TMEM132C: variants seen among roughly 807,000 people sequenced by gnomAD.
The protein encoded by TMEM132C is protein phosphatase 1, regulatory subunit 152.
Under a neutral mutation model 61.4 loss-of-function variants are expected in TMEM132C, and 29 were observed. That is an observed-to-expected ratio of 0.47 (90% CI 0.35 to 0.64). The LOEUF (loss-of-function observed/expected upper bound fraction) is 0.64. TMEM132C is among the 30% of genes least tolerant of loss of function. The pLI is 0.00. For missense variants in TMEM132C, 1,408 were observed against 1,476.9 expected, an observed-to-expected ratio of 0.95 and a Z score of 0.76; for synonymous variants, 656 against 633.1, an observed-to-expected ratio of 1.04 and a Z score of -0.54.
chr12:128,358,493 T>TTTGTGTG (rs1555220207), intron 1 of TMEM132C, among the ~76,000 whole-genome samples: 32 of 144,900 alleles, frequency 2.2e-4, no homozygotes, highest in Non-Finnish European at 3.9e-4. Context: ...ACTTTTAAAA[T>TTTGTGTG]TGTGTGTGTG....
At chr12:128,665,936 T>C (rs1203008399) in intron 4 of TMEM132C, among the ~76,000 whole-genome samples, 4 of 87,674 alleles carry the variant, frequency 4.6e-5, no homozygotes, top group South Asian at 4.0e-4. Context: ...CAGGGACTCA[T>C]ACACAAACAC....
intron 1 of TMEM132C, among the ~76,000 whole-genome samples, chr12:128,410,639 C>T (rs968098599): frequency 4.6e-5 from 7 of 152,058 alleles, no homozygotes; most frequent in African/African-American, 9.7e-5. Context: ...CTCTTGACCT[C>T]GTGATCCACC....
At chr12:128,479,552 A>G (rs1871258374) in intron 2 of TMEM132C, among the ~76,000 whole-genome samples, 1 of 152,224 alleles carries the variant, frequency 6.6e-6, no homozygotes, top group South Asian at 2.1e-4. Context: ...ATAAAGTTTT[A>G]TCAGAGCCCA....
At chr12:128,366,460 G>A (rs921647479) in intron 1 of TMEM132C, among the ~76,000 whole-genome samples, 1 of 152,168 alleles carries the variant, frequency 6.6e-6, no homozygotes, top group African/African-American at 2.4e-5. Context: ...CTCCTCAGCT[G>A]GACGCGGCTT....
chr12:128,421,796 T>C (rs1374484335), intron 2 of TMEM132C, among the ~76,000 whole-genome samples: 1 of 152,132 alleles, frequency 6.6e-6, no homozygotes, highest in Non-Finnish European at 1.5e-5. Context: ...AATAAAATAA[T>C]TACCAACAGA....
At chr12:128,515,725 C>T (rs1437205982) in intron 2 of TMEM132C, among the ~76,000 whole-genome samples, 1 of 151,992 alleles carries the variant, frequency 6.6e-6, no homozygotes, top group East Asian at 1.9e-4. Context: ...GTCCCAGCTA[C>T]TTGGGAGGCT....
chr12:128,564,378 A>G (rs543848085), intron 3 of TMEM132C, among the ~76,000 whole-genome samples: 47 of 152,218 alleles, frequency 3.1e-4, no homozygotes, highest in Admixed American at 1.3e-4. Context: ...GGCTTCAGCC[A>G]TCACAGCATC....
chr12:128,335,041 A>T (rs1872759839), intron 1 of TMEM132C, among the ~76,000 whole-genome samples: 1 of 152,216 alleles, frequency 6.6e-6, no homozygotes, highest in African/African-American at 2.4e-5. Context: ...TGAGAGTCTT[A>T]CATGTATCAT....
chr12:128,640,871 G>A (rs529037356), intron 4 of TMEM132C, among the ~76,000 whole-genome samples: 1 of 152,286 alleles, frequency 6.6e-6, no homozygotes, highest in African/African-American at 2.4e-5. Flanking sequence ...GGGTGACAGA[G>A]CAAGAAGACC....
chr12:128,650,188 C>CTTGTT (rs1954253839), intron 4 of TMEM132C, among the ~76,000 whole-genome samples: 1 of 152,156 alleles, frequency 6.6e-6, no homozygotes, highest in South Asian at 2.1e-4. Flanking sequence ...AGGAATGAGG[C>CTTGTT]TTGTTTTTAA....
At chr12:128,663,715 ATGTG>A (rs1185397403) in intron 4 of TMEM132C, among the ~76,000 whole-genome samples, 1 of 141,490 alleles carries the variant, frequency 7.1e-6, no homozygotes, top group Non-Finnish European at 1.5e-5. Flanking sequence ...GCGTGTGTGT[ATGTG>A]TGTGTGCTTG....
intron 5 of TMEM132C, among the ~76,000 whole-genome samples, chr12:128,681,677 AGAG>A: frequency 3.1e-5 from 1 of 32,434 alleles, no homozygotes; most frequent in African/African-American, 1.1e-4. Context: ...TTTTTGAGAC[AGAG>A]TCTCACCCTA....
intron 4 of TMEM132C, among the ~76,000 whole-genome samples, chr12:128,655,004 C>T (rs1456616753): frequency 1.3e-5 from 2 of 152,198 alleles, no homozygotes; most frequent in Non-Finnish European, 2.9e-5. Flanking sequence ...AAGGCAGTCG[C>T]AGAGGAAATG....
At chr12:128,596,604 G>A (rs1035475341) in intron 3 of TMEM132C, among the ~76,000 whole-genome samples, 1 of 150,140 alleles carries the variant, frequency 6.7e-6, no homozygotes, top group Admixed American at 6.6e-5. Context: ...AGGCACCAGG[G>A]CTTCACTGAT....
chr12:128,518,627 A>G lies in TMEM132C; in HGVS notation c.975-25330A>G, dbSNP rs187289741. On this transcript the variant is annotated intron_variant, in intron 2 of 8. Transcript: ENST00000435159. Reference sequence around the variant, plus strand: ...AAGATACCTTTTGTAAATTTTTAAAAGCATTCCATATAAAAGTAATACTTC... The same window carrying G: ...AAGATACCTTTTGTAAATTTTTAAAGGCATTCCATATAAAAGTAATACTTC... Among the ~76,000 whole-genome samples, 7 of 152,370 alleles carry G rather than the reference A, an allele frequency of 4.6e-5. No homozygotes were observed. The East Asian group carries it at 1.3e-3, about 29-fold the overall frequency.
At chr12:128,503,103 C>T (rs2136110638) in intron 2 of TMEM132C, among the ~76,000 whole-genome samples, 1 of 152,330 alleles carries the variant, frequency 6.6e-6, no homozygotes, top group South Asian at 2.1e-4. Context: ...GTCCCATTAA[C>T]TCTCAAGGCC....
intron 1 of TMEM132C, chr12:128,288,803 A>C (rs1172034861): frequency 6.6e-6 from 1 of 152,182 alleles, no homozygotes; most frequent in African/African-American, 2.4e-5. Context: ...CTTTTCTTTT[A>C]CAACCTTCCC....
chr12:128,325,570 A>G (rs1256389307), intron 1 of TMEM132C, among the ~76,000 whole-genome samples: 1 of 152,160 alleles, frequency 6.6e-6, no homozygotes, highest in Non-Finnish European at 1.5e-5. Context: ...TTCTTCATGA[A>G]AGTTACTTAA....
intron 1 of TMEM132C, among the ~76,000 whole-genome samples, chr12:128,271,639 C>G (rs1870526138): frequency 6.6e-6 from 1 of 152,136 alleles, no homozygotes; most frequent in Admixed American, 6.5e-5. Context: ...CAGGGGTGTC[C>G]TCCTCTGGAG....
Sources: allele counts gnomAD v4.1 joint callset (sites outside exome capture counted in the v4.1 genomes callset), GRCh38; gene constraint gnomAD v4.1.1; transcripts MANE v1.5; gene names NCBI Gene and HGNC (gene_info 2026-07-23, HGNC 2026-07-21).